GPR45: variants seen among roughly 807,000 people sequenced by gnomAD.
GPR45 encodes G protein-coupled receptor 45.
Under a neutral mutation model 5.9 loss-of-function variants are expected in GPR45, and 7 were observed. The ratio of observed to expected loss-of-function variants is 1.19; its 90% CI spans 0.68 to 2.23. GPR45 has a LOEUF of 2.23. Among genes scored for constraint, GPR45 ranks in the 30% most tolerant of loss-of-function variants. GPR45 has a pLI of 0.00. For missense variants in GPR45, 440 were observed against 496.9 expected (o/e 0.89, Z 1.09); for synonymous variants, 220 against 226.3 (o/e 0.97, Z 0.25).
rs975934405 is a variant in GPR45, at chr2:105,242,519, A to G, written c.661A>G (p.Thr221Ala). ...GTGCGCCTACATGTGCATCCTCAAC[A>G]CGGTCCGCAAGAACGCCGTGCGCGT... ...MLCAYMCILN[T>A]VRKNAVRVHN... The change falls in exon 1 of 1, where the codon ACG becomes GCG. Residue 221 changes from threonine (T) to alanine (A), a missense_variant. Physicochemically the swap from Thr to Ala is moderately conservative, Grantham distance 58 (BLOSUM62 0). Transcript: ENST00000258456. This position sits in a 1 kb window ranked among gnomAD's most constrained non-coding sequence, Gnocchi z 4.8. 1 of 1,605,790 alleles carries G rather than the reference A, an allele frequency of 6.2e-7. No individual in the cohort carries two copies. The highest frequency in any genetic ancestry group is 8.5e-7 in the Non-Finnish European group (1 of 1,179,872).
Position 105,242,296 on chromosome 2 carries a change from C to A in GPR45, c.438C>A (p.Arg146=), listed in dbSNP as rs752343423. 6.2e-7 allele frequency: 1 copy of A among 1,614,152 alleles called. No individual in the cohort carries two copies. Among genetic ancestry groups the A allele is most frequent in the East Asian group, 2.2e-5 (1 of 44,878 alleles). The change falls in exon 1 of 1, where the codon CGC becomes CGA. Residue 146 remains arginine (R), a synonymous_variant. Coordinates refer to ENST00000258456, the MANE Select transcript of GPR45 (RefSeq NM_007227.3). This position sits in a 1 kb window ranked among gnomAD's most constrained non-coding sequence, Gnocchi z 4.8. ...IVQRQDKLNP[R]RAKVIIAVSW... is the part of the protein sequence containing the mutation. ...AGCGCCAGGACAAGCTGAACCCGCG[C>A]AGGGCCAAGGTGATCATCGCGGTCT...
rs1204811956 is a variant in GPR45 at position 105,242,392 on chromosome 2, G to A, written c.534G>A (p.Arg178=). The A allele has an allele frequency of 6.2e-7, 1 of 1,612,314 alleles. No homozygotes were observed. The highest frequency in any genetic ancestry group is 1.1e-5 in the South Asian group (1 of 91,028). The part of the protein sequence containing the change: ...TGWTLVEVPA[R]APQCVLGYTE... ...GGACGCTGGTGGAGGTGCCGGCGCGGGCCCCACAGTGCGTGCTGGGCTACA... is the reference window on the plus strand; with the variant it reads ...GGACGCTGGTGGAGGTGCCGGCGCGAGCCCCACAGTGCGTGCTGGGCTACA... Residue 178 remains arginine (R), a synonymous_variant, in exon 1 of 1, where the codon CGG becomes CGA. Coordinates refer to ENST00000258456, the MANE Select transcript of GPR45 (RefSeq NM_007227.3). The surrounding 1 kb of genome is among the most constrained non-coding windows in gnomAD (Gnocchi z 4.8).
In GPR45 at chr2:105,242,362, G is replaced by C. The variant is rs56355385; in HGVS notation, c.504G>C (p.Thr168=). Reference sequence around the variant, plus strand: ...TCTGCATCGCGGGGCCCTCGCTCACGGGCTGGACGCTGGTGGAGGTGCCGG... The same window carrying C: ...TCTGCATCGCGGGGCCCTCGCTCACCGGCTGGACGCTGGTGGAGGTGCCGG... ...LSFCIAGPSL[T]GWTLVEVPAR... The change falls in exon 1 of 1, where the codon ACG becomes ACC. Residue 168 remains threonine, a synonymous_variant. Coordinates refer to ENST00000258456, the MANE Select transcript of GPR45 (RefSeq NM_007227.3). This position sits in a 1 kb window ranked among gnomAD's most constrained non-coding sequence, Gnocchi z 4.8. 4.2e-3 allele frequency: 6,709 copies of C among 1,613,228 alleles called. 46 individuals are homozygous for C. Among genetic ancestry groups the C allele is most frequent in the African/African-American group, 0.023 (1,708 of 75,052 alleles).
rs907774333 is a variant in GPR45, at chr2:105,241,955, C to T, written c.97C>T (p.Leu33Phe). ...GGGGTCCACCCAGTTGCCCGCACCC[C>T]TCAGGATCTCCTTGGCCATAGTGAT... ...DSGSTQLPAP[L>F]RISLAIVMLL... The change falls in exon 1 of 1, where the codon CTC (leucine) becomes TTC (phenylalanine). Residue 33 changes from leucine to phenylalanine, a missense_variant. Coordinates refer to ENST00000258456, the MANE Select transcript of GPR45 (RefSeq NM_007227.3). The T allele has an allele frequency of 5.6e-6, 9 of 1,613,510 alleles. No individual in the cohort carries two copies. Among genetic ancestry groups the T allele is most frequent in the African/African-American group, 1.3e-5 (1 of 74,938 alleles).
Position 105,242,391 on chromosome 2 carries a change from G to T in GPR45, c.533G>T (p.Arg178Leu). ...TGGACGCTGGTGGAGGTGCCGGCGC[G>T]GGCCCCACAGTGCGTGCTGGGCTAC... ...TGWTLVEVPA[R>L]APQCVLGYTE... The change falls in exon 1 of 1, where the codon CGG (arginine) becomes CTG (leucine). Residue 178 changes from arginine to leucine, a missense_variant. Physicochemically the swap from Arg to Leu is moderately radical, Grantham distance 102 (BLOSUM62 -2). Coordinates refer to ENST00000258456, the MANE Select transcript of GPR45 (RefSeq NM_007227.3). This position sits in a 1 kb window ranked among gnomAD's most constrained non-coding sequence, Gnocchi z 4.8. The T allele has an allele frequency of 6.2e-7, 1 of 1,612,152 alleles. No homozygotes were observed.
rs781291024 is a variant in GPR45, at chr2:105,241,965, C to A, written c.107C>A (p.Ser36Tyr). ...CAGTTGCCCGCACCCCTCAGGATCT[C>A]CTTGGCCATAGTGATGCTGCTGATG... ...STQLPAPLRI[S>Y]LAIVMLLMTV... The change falls in exon 1 of 1, where the codon TCC (serine) becomes TAC (tyrosine). Residue 36 changes from serine to tyrosine, a missense_variant. Coordinates refer to ENST00000258456, the MANE Select transcript of GPR45 (RefSeq NM_007227.3). The A allele has an allele frequency of 1.2e-6, 2 of 1,613,872 alleles. No homozygotes were observed. Among genetic ancestry groups the A allele is most frequent in the Admixed American group, 3.3e-5 (2 of 60,020 alleles).
rs1254430309 is a variant in GPR45, at chr2:105,243,458, T to A, written c.*481T>A. Among the ~76,000 whole-genome samples the A allele has an allele frequency of 6.6e-6, 1 of 152,178 alleles. No homozygotes were observed. The highest frequency in any genetic ancestry group is 1.5e-5 in the Non-Finnish European group (1 of 68,042). ...CACCAGGGTTCTTCAGCTATTGATG[T>A]TTGTGGTGTGTGGGGACTCACATGA... is the stretch of plus-strand genomic sequence containing the variant. On this transcript the variant is annotated 3_prime_UTR_variant, in exon 1 of 1. Coordinates refer to ENST00000258456, the MANE Select transcript of GPR45 (RefSeq NM_007227.3).
Position 105,242,330 on chromosome 2 carries a change from C to T in GPR45, c.472C>T (p.Leu158=). 5 of 1,613,896 alleles carry T rather than the reference C, an allele frequency of 3.1e-6. No homozygotes were observed. Among genetic ancestry groups the T allele is most frequent in the Non-Finnish European group, 3.4e-6 (4 of 1,180,004 alleles). Residue 158 remains leucine, a synonymous_variant, in exon 1 of 1, where the codon CTG becomes TTG. Transcript: ENST00000258456. This position sits in a 1 kb window ranked among gnomAD's most constrained non-coding sequence, Gnocchi z 4.8. Reference sequence around the variant, plus strand: ...GGTGATCATCGCGGTCTCCTGGGTGCTGTCCTTCTGCATCGCGGGGCCCTC... The same window carrying T: ...GGTGATCATCGCGGTCTCCTGGGTGTTGTCCTTCTGCATCGCGGGGCCCTC... ...AKVIIAVSWV[L]SFCIAGPSLT...
In GPR45 at chr2:105,243,061, C is replaced by A. The variant is rs1237402488; in HGVS notation, c.*84C>A. On this transcript the variant is annotated 3_prime_UTR_variant, in exon 1 of 1. Coordinates refer to ENST00000258456, the MANE Select transcript of GPR45 (RefSeq NM_007227.3). ...CTGCTCTGTTCCCTGGCATGTTGGT[C>A]ATAGTCTGCACTTTGTGGTGGCAAT... 1.1e-5 allele frequency: 16 copies of A among 1,495,560 alleles called. No individual in the cohort carries two copies. Among genetic ancestry groups the A allele is most frequent in the South Asian group, 2.7e-5 (2 of 75,470 alleles). 92.6% of individuals were successfully genotyped at this position (1,495,560 alleles called of 1,614,324 possible).
rs1484929623 is a variant in GPR45 at position 105,242,272 on chromosome 2, G to A, written c.414G>A (p.Gln138=). Residue 138 remains glutamine (Q), a synonymous_variant, in exon 1 of 1, where the codon CAG becomes CAA. Transcript: ENST00000258456. The surrounding 1 kb of genome is among the most constrained non-coding windows in gnomAD (Gnocchi z 4.8). Reference sequence around the variant, plus strand: ...TGGACCGCTTCCTCATCATCGTCCAGCGCCAGGACAAGCTGAACCCGCGCA... The same window carrying A: ...TGGACCGCTTCCTCATCATCGTCCAACGCCAGGACAAGCTGAACCCGCGCA... ...ISVDRFLIIV[Q]RQDKLNPRRA... 1.2e-6 allele frequency: 2 copies of A among 1,614,152 alleles called. No homozygotes were observed. The highest frequency in any genetic ancestry group is 3.3e-5 in the Admixed American group (2 of 60,034).
chr2:105,242,589 C>T lies in GPR45; in HGVS notation c.731C>T (p.Ala244Val), dbSNP rs376184501. The change falls in exon 1 of 1, where the codon GCG becomes GTG. Residue 244 changes from alanine (A) to valine (V), a missense_variant. Physicochemically the swap from Ala to Val is moderately conservative, Grantham distance 64. Transcript: ENST00000258456. This position sits in a 1 kb window ranked among gnomAD's most constrained non-coding sequence, Gnocchi z 4.8. ...DSLDLRQLTRAGLRRLQRQQQ... is the reference protein window; with the variant it reads ...DSLDLRQLTRVGLRRLQRQQQ... ...CTGGACCTGCGGCAGCTCACCAGGG[C>T]GGGCCTGCGGCGCCTGCAGCGGCAG... 3.7e-6 allele frequency: 6 copies of T among 1,609,144 alleles called. No homozygotes were observed. The African/African-American group carries it at 4.0e-5, about 11-fold the overall frequency.
rs199711935 is a variant in GPR45 at position 105,243,000 on chromosome 2, G to A, written c.*23G>A. ...TAGGGGGTCAGGGGGCCACAGAGAAGGGGCAGCTGAGCCCCAGTCCCAGGG... is the reference window on the plus strand; with the variant it reads ...TAGGGGGTCAGGGGGCCACAGAGAAAGGGCAGCTGAGCCCCAGTCCCAGGG... On this transcript the variant is annotated 3_prime_UTR_variant, in exon 1 of 1. Coordinates refer to ENST00000258456, the MANE Select transcript of GPR45 (RefSeq NM_007227.3). The surrounding 1 kb of genome is among the most constrained non-coding windows in gnomAD (Gnocchi z 4.8). 91 of 1,603,516 alleles carry A rather than the reference G, an allele frequency of 5.7e-5. No homozygotes were observed. Among genetic ancestry groups the A allele is most frequent in the Non-Finnish European group, 7.2e-5 (84 of 1,173,512 alleles).
At position 105,243,155 on chromosome 2, in the gene GPR45, G is replaced by C. The variant is rs935034940; in HGVS notation, c.*178G>C. ...CCCAAATTTCAAATTTTGGCACGAT[G>C]AATTATTTTTGTTTCTCTTTGCAGA... On this transcript the variant is annotated 3_prime_UTR_variant, in exon 1 of 1. Coordinates refer to ENST00000258456, the MANE Select transcript of GPR45 (RefSeq NM_007227.3). 2 of 821,314 alleles carry C rather than the reference G, an allele frequency of 2.4e-6. No individual in the cohort carries two copies. The highest frequency in any genetic ancestry group is 3.7e-6 in the Non-Finnish European group (2 of 538,210). 50.9% of individuals were successfully genotyped at this position (821,314 alleles called of 1,614,324 possible).
At position 105,242,008 on chromosome 2, in the gene GPR45, G is replaced by A; in HGVS notation, c.150G>A (p.Leu50=). The change falls in exon 1 of 1, where the codon CTG becomes CTA. Residue 50 remains leucine (L), a synonymous_variant. Transcript: ENST00000258456. The surrounding 1 kb of genome is among the most constrained non-coding windows in gnomAD (Gnocchi z 4.8). ...VMLLMTVVGF[L]GNTVVCIIVY... Reference sequence around the variant, plus strand: ...TGCTGATGACCGTGGTGGGGTTCCTGGGCAACACTGTGGTCTGCATCATCG... The same window carrying A: ...TGCTGATGACCGTGGTGGGGTTCCTAGGCAACACTGTGGTCTGCATCATCG... The A allele has an allele frequency of 6.2e-7, 1 of 1,613,780 alleles. No homozygotes were observed. The highest frequency in any genetic ancestry group is 1.7e-5 in the Admixed American group (1 of 60,016).
chr2:105,242,427 C>T lies in GPR45; in HGVS notation c.569C>T (p.Pro190Leu). Residue 190 changes from proline to leucine, a missense_variant, in exon 1 of 1, where the codon CCC (proline) becomes CTC (leucine). Physicochemically the swap from Pro to Leu is moderately conservative, Grantham distance 98 (BLOSUM62 -3). Transcript: ENST00000258456. This position sits in a 1 kb window ranked among gnomAD's most constrained non-coding sequence, Gnocchi z 4.8. ...PQCVLGYTEL[P>L]ADRAYVVTLV... ...TGCGTGCTGGGCTACACGGAGCTCCCCGCTGACCGCGCCTACGTGGTCACC... is the reference window on the plus strand; with the variant it reads ...TGCGTGCTGGGCTACACGGAGCTCCTCGCTGACCGCGCCTACGTGGTCACC... 6.2e-7 allele frequency: 1 copy of T among 1,610,334 alleles called. No homozygotes were observed.
rs770051507 is a variant in GPR45 at position 105,242,134 on chromosome 2, C to A, written c.276C>A (p.Ala92=). 8.7e-6 allele frequency: 14 copies of A among 1,614,072 alleles called. No homozygotes were observed. The highest frequency in any genetic ancestry group is 1.0e-5 in the Non-Finnish European group (12 of 1,180,058). Residue 92 remains alanine (A), a synonymous_variant, in exon 1 of 1, where the codon GCC becomes GCA. Coordinates refer to ENST00000258456, the MANE Select transcript of GPR45 (RefSeq NM_007227.3). This position sits in a 1 kb window ranked among gnomAD's most constrained non-coding sequence, Gnocchi z 4.8. The stretch of plus-strand genomic sequence containing the variant: ...CCCTCTGCTGCATGCCCTTCACCGC[C>A]GTCACCCTCATCACCGTGCGCTGGC... ...MLSLCCMPFT[A]VTLITVRWHF...
At position 105,242,705 on chromosome 2, in the gene GPR45, C is replaced by T; in HGVS notation, c.847C>T (p.His283Tyr). Residue 283 changes from histidine to tyrosine, a missense_variant, in exon 1 of 1, where the codon CAC becomes TAC. Transcript: ENST00000258456. The surrounding 1 kb of genome is among the most constrained non-coding windows in gnomAD (Gnocchi z 4.8). ...GGGCTTCTCCCTCTGCTGGCTGCCC[C>T]ACTCCGTCTACAGCCTCCTGTCTGT... Reference protein sequence around the residue: ...FVGFSLCWLPHSVYSLLSVFS... With the variant: ...FVGFSLCWLPYSVYSLLSVFS... The T allele has an allele frequency of 6.2e-7, 1 of 1,607,418 alleles. No homozygotes were observed. Among genetic ancestry groups the T allele is most frequent in the Non-Finnish European group, 8.5e-7 (1 of 1,175,562 alleles).
At position 105,242,941 on chromosome 2, in the gene GPR45, A is replaced by C; in HGVS notation, c.1083A>C (p.Thr361=). The C allele has an allele frequency of 6.2e-7, 1 of 1,614,202 alleles. No homozygotes were observed. Among genetic ancestry groups the C allele is most frequent in the Non-Finnish European group, 8.5e-7 (1 of 1,180,022 alleles). The change falls in exon 1 of 1, where the codon ACA becomes ACC. Residue 361 remains threonine (T), a synonymous_variant. Coordinates refer to ENST00000258456, the MANE Select transcript of GPR45 (RefSeq NM_007227.3). This position sits in a 1 kb window ranked among gnomAD's most constrained non-coding sequence, Gnocchi z 4.8. ...TCCGAAGGAGAATCCAGCCAAGCAC[A>C]GTCTACGTGTGCAATGAAAACCAGT... The part of the protein sequence containing the change: ...ERIRRRIQPS[T]VYVCNENQSA...
Position 105,243,128 on chromosome 2 carries a change from C to A in GPR45, c.*151C>A. On this transcript the variant is annotated 3_prime_UTR_variant, in exon 1 of 1. Coordinates refer to ENST00000258456, the MANE Select transcript of GPR45 (RefSeq NM_007227.3). ...TCATTTGTAATCAGATGAGCTGCAG[C>A]TCCCAAATTTCAAATTTTGGCACGA... The A allele has an allele frequency of 9.6e-7, 1 of 1,045,848 alleles. No individual in the cohort carries two copies. The highest frequency in any genetic ancestry group is 1.4e-6 in the Non-Finnish European group (1 of 738,746). The allele number at this position is 1,045,848 out of a possible 1,614,324, so 64.8% of individuals were successfully genotyped here.
Sources: gnomAD v4.1 joint callset for allele counts (sites outside exome capture counted in the v4.1 genomes callset) on GRCh38, gnomAD v4.1.1 for gene constraint, Gnocchi (gnomAD v3.1) non-coding constraint, MANE v1.5 for transcripts, NCBI Gene and HGNC (gene_info 2026-07-23, HGNC 2026-07-21) for gene names.